The following CBLB variants were observed in gnomAD, a reference collection of about 807,000 sequenced individuals.
CBLB encodes the protein Cbl proto-oncogene B, also known as E3 ubiquitin-protein ligase CBL-B.
In CBLB, 31 loss-of-function variants were observed where a neutral mutation model predicts 104.9. The ratio of observed to expected loss-of-function variants is 0.30; its 90% CI spans 0.22 to 0.40. The LOEUF (loss-of-function observed/expected upper bound fraction) is 0.40. CBLB is among the 10% of genes least tolerant of loss of function. The pLI is 1.00. For missense variants in CBLB, 1,062 were observed against 1,214.6 expected, an observed-to-expected ratio of 0.87 and a Z score of 1.87; for synonymous variants, 440 against 422.6, an observed-to-expected ratio of 1.04 and a Z score of -0.51.
chr3:105,756,768 T>C (rs934015792), intron 4 of CBLB, among the ~76,000 whole-genome samples: 5 of 152,286 alleles, frequency 3.3e-5, no homozygotes, highest in Non-Finnish European at 4.4e-5. Flanking sequence ...TAGAAACTTA[T>C]GTACCCATAT....
intron 3 of CBLB, among the ~76,000 whole-genome samples, chr3:105,815,082 TTC>T (rs949828506): frequency 6.6e-6 from 1 of 152,080 alleles, no homozygotes; most frequent in Admixed American, 6.6e-5. Context: ...GCATAAGAAA[TTC>T]TCTCTCTTCA....
At chr3:105,754,628 C>T (rs2076916823) in intron 4 of CBLB, among the ~76,000 whole-genome samples, 1 of 148,788 alleles carries the variant, frequency 6.7e-6, no homozygotes, top group African/African-American at 2.5e-5. Flanking sequence ...TTCTATTGAC[C>T]CTTACAATTA....
intron 5 of CBLB, among the ~76,000 whole-genome samples, chr3:105,749,169 A>T (rs527583352): frequency 6.6e-6 from 1 of 152,314 alleles, no homozygotes; most frequent in Non-Finnish European, 1.5e-5. Context: ...ATCATATTTT[A>T]AGGCACACAT....
intron 10 of CBLB, among the ~76,000 whole-genome samples, chr3:105,709,415 CT>C (rs1213274677): frequency 6.6e-6 from 1 of 151,646 alleles, no homozygotes; most frequent in Non-Finnish European, 1.5e-5. Flanking sequence ...CTTTTTCTCT[CT>C]TCATTATAAA....
upstream of CBLB, chr3:105,869,103 C>T (rs532558992): frequency 2.8e-3 from 2,700 of 949,502 alleles, 9 homozygotes; most frequent in Non-Finnish European, 3.4e-3. Flanking sequence ...GCCGCGCAAC[C>T]GCGCACTGCC....
chr3:105,864,847 T>A (rs1262778802), intron 2 of CBLB, among the ~76,000 whole-genome samples: 2 of 152,140 alleles, frequency 1.3e-5, no homozygotes, highest in Non-Finnish European at 2.9e-5. Context: ...GCTTCATTAT[T>A]CCCTGTAAAA....
chr3:105,718,471 A>G (rs918559765), intron 10 of CBLB, among the ~76,000 whole-genome samples: 51 of 152,298 alleles, frequency 3.3e-4, no homozygotes, highest in African/African-American at 1.2e-3. Context: ...TCCCAAGAGG[A>G]AAACTCGCAC....
At chr3:105,860,158 C>G (rs2091976419) in intron 2 of CBLB, among the ~76,000 whole-genome samples, 1 of 152,172 alleles carries the variant, frequency 6.6e-6, no homozygotes, top group Non-Finnish European at 1.5e-5. Flanking sequence ...TCTCATTGGT[C>G]TCTCTCTATC....
At chr3:105,839,175 A>C (rs1381577380) in intron 3 of CBLB, among the ~76,000 whole-genome samples, 1 of 152,216 alleles carries the variant, frequency 6.6e-6, no homozygotes, top group Admixed American at 6.5e-5. Flanking sequence ...CAGGCATTAT[A>C]TAAAGGCTGG....
rs188536182 is a variant in CBLB, at chr3:105,854,459, A to G, written c.169-795T>C. Among the ~76,000 whole-genome samples, 7 of 152,340 alleles carry G rather than the reference A, an allele frequency of 4.6e-5. No individual in the cohort carries two copies. In the East Asian group the frequency reaches 1.2e-3, roughly 25 times the overall value. On this transcript the variant is annotated intron_variant, in intron 2 of 18. Coordinates refer to ENST00000394030, the MANE Select transcript of CBLB (RefSeq NM_170662.5). Reference sequence around the variant, plus strand: ...AGGGCATAATCAACTCTTTACATAAATAACTTTCAAATGAAATAATTGAGA... The same window carrying G: ...AGGGCATAATCAACTCTTTACATAAGTAACTTTCAAATGAAATAATTGAGA...
chr3:105,696,892 C>G (rs1055657872), intron 12 of CBLB, among the ~76,000 whole-genome samples: 2 of 151,906 alleles, frequency 1.3e-5, no homozygotes. Context: ...TACATATTCT[C>G]CCACCTCCAT....
At chr3:105,804,860 G>A (rs12632980) in intron 3 of CBLB, among the ~76,000 whole-genome samples, 122,244 of 151,984 alleles carry the variant, frequency 0.8, 49,788 homozygotes, top group Middle Eastern at 0.9. Flanking sequence ...TAGTAGAACA[G>A]CCTTCCTTTA....
chr3:105,683,422 T>C (rs549789005), intron 14 of CBLB, among the ~76,000 whole-genome samples: 16 of 152,276 alleles, frequency 1.1e-4, no homozygotes, highest in African/African-American at 2.9e-4. Flanking sequence ...TCTGTAACAA[T>C]AGAAAAATGG....
upstream of CBLB, chr3:105,869,344 G>T (rs1706766983): frequency 3.0e-6 from 4 of 1,333,626 alleles, no homozygotes; most frequent in South Asian, 3.7e-5. Context: ...AACCAATAAG[G>T]GGTGGCAGGT....
chr3:105,681,788 A>T lies in CBLB; in HGVS notation c.2232T>A (p.Asn744Lys). The T allele has an allele frequency of 6.2e-7, 1 of 1,610,612 alleles. No individual in the cohort carries two copies. ...TCTCTGAAGATGGACCATGTGTTCC[A>T]TTCAGCATACAGTGACCATTATCAC... ...RSCDNGHCML[N>K]GTHGPSSEKK... Residue 744 changes from asparagine (N) to lysine (K), a missense_variant, in exon 15 of 19, where the codon AAT becomes AAA. This residue lies in a region of CBLB where 605 missense variants were observed against 582.6 expected (regional missense o/e 1.04). Transcript: ENST00000394030.
At chr3:105,869,060 GGC>G, upstream of CBLB, 1 of 1,073,416 alleles carries the variant, frequency 9.3e-7, no homozygotes, top group Non-Finnish European at 1.2e-6. Context: ...GGCGGGGCGG[GGC>G]GGGGGCGGGG....
intron 8 of CBLB, among the ~76,000 whole-genome samples, 156 bp downstream of exon 8, chr3:105,737,015 A>G (rs2075023958): frequency 6.6e-6 from 1 of 152,158 alleles, no homozygotes; most frequent in Admixed American, 6.5e-5. Context: ...AATCTAAGAA[A>G]GTAATATAAT....
chr3:105,864,246 T>C (rs183152120), intron 2 of CBLB, among the ~76,000 whole-genome samples: 17 of 152,332 alleles, frequency 1.1e-4, no homozygotes, highest in Middle Eastern at 6.8e-3. Context: ...TTGGCTCTGA[T>C]ACTGTTCTCT....
Position 105,720,172 on chromosome 3 carries a change from G to C in CBLB, c.1282C>G (p.Pro428Ala), listed in dbSNP as rs2072580925. ...TEPIIVDPFD[P>A]RDEGSRCCSI... ...CAACACCTGGAGCCTTCATCTCTTG[G>C]ATCAAAGGGGTCCACGATTATGGGC... Residue 428 changes from proline (P) to alanine (A), a missense_variant, in exon 10 of 19, where the codon CCA becomes GCA. Pro to Ala is a conservative substitution (Grantham distance 27). Transcript: ENST00000394030. The C allele has an allele frequency of 6.2e-7, 1 of 1,613,800 alleles. No individual in the cohort carries two copies. Among genetic ancestry groups the C allele is most frequent in the South Asian group, 1.1e-5 (1 of 91,056 alleles).
Sources: allele counts gnomAD v4.1 joint callset (sites outside exome capture counted in the v4.1 genomes callset), GRCh38; gene constraint gnomAD v4.1.1; regional missense constraint gnomAD v4.1.1; transcripts MANE v1.5; gene names NCBI Gene and HGNC (gene_info 2026-07-23, HGNC 2026-07-21).